The following ITFG1 variants were observed in gnomAD, a reference collection of about 807,000 sequenced individuals.
The protein encoded by ITFG1 is integrin alpha FG-GAP repeat containing 1, also known as T-cell immunomodulatory protein.
A neutral mutation model predicts 81.8 loss-of-function variants in ITFG1; 34 were observed. The observed-to-expected ratio is 0.42, with a 90% confidence interval of 0.32 to 0.55. The LOEUF is 0.55. ITFG1 is among the 20% of genes least tolerant of loss of function. ITFG1 has a pLI of 0.17. For missense variants in ITFG1, 672 were observed against 755.4 expected (o/e 0.89, Z 1.29); for synonymous variants, 285 against 270.6 (o/e 1.05, Z -0.52).
chr16:47,351,173 C>T (rs1270508584), intron 8 of ITFG1, among the ~76,000 whole-genome samples: 1 of 152,152 alleles, frequency 6.6e-6, no homozygotes, highest in African/African-American at 2.4e-5. Flanking sequence ...CCCTCTCTCA[C>T]CACTAATATT....
At chr16:47,425,646 G>A (rs577667470) in intron 6 of ITFG1, 1 of 149,724 alleles carries the variant, frequency 6.7e-6, no homozygotes, top group East Asian at 2.0e-4. Context: ...AGGCTGAAGT[G>A]CAGTGGCATG....
At chr16:47,460,719 C>A (rs1969523112) in intron 1 of ITFG1, 119 bp downstream of exon 1, 2 of 1,111,262 alleles carry the variant, frequency 1.8e-6, no homozygotes, top group African/African-American at 3.1e-5. Context: ...GGGAAGGCCA[C>A]AGGGCTGGGA....
intron 6 of ITFG1, among the ~76,000 whole-genome samples, chr16:47,386,179 A>G (rs912000405): frequency 2.0e-5 from 3 of 152,216 alleles, no homozygotes; most frequent in African/African-American, 7.2e-5. Context: ...GGGGGAAATT[A>G]TTAAAAAAAA....
At chr16:47,159,849 T>C (rs879736101) in intron 16 of ITFG1, among the ~76,000 whole-genome samples, 2 of 152,154 alleles carry the variant, frequency 1.3e-5, no homozygotes, top group Non-Finnish European at 2.9e-5. Flanking sequence ...TTAAAATTTA[T>C]TGATCCATAA....
At chr16:47,232,103 A>G (rs190165654) in intron 13 of ITFG1, among the ~76,000 whole-genome samples, 2 of 152,332 alleles carry the variant, frequency 1.3e-5, no homozygotes, top group African/African-American at 4.8e-5. Context: ...CAAAGCCTCC[A>G]AAAAGGAAGG....
chr16:47,385,104 T>A (rs1968444451), intron 6 of ITFG1, among the ~76,000 whole-genome samples: 2 of 152,252 alleles, frequency 1.3e-5, no homozygotes, highest in African/African-American at 4.8e-5. Flanking sequence ...ACTGTGCAAT[T>A]CGTTTTAAGA....
At chr16:47,182,401 A>G (rs2151514191) in intron 14 of ITFG1, among the ~76,000 whole-genome samples, 1 of 151,150 alleles carries the variant, frequency 6.6e-6, no homozygotes, top group African/African-American at 2.4e-5. Context: ...AAAAAAAAAG[A>G]AAATATGGTA....
intron 9 of ITFG1, chr16:47,312,843 T>C (rs1967288081): frequency 6.6e-6 from 1 of 152,224 alleles, no homozygotes; most frequent in African/African-American, 2.4e-5. Flanking sequence ...CAGAGAGAGA[T>C]GACTGTATAA....
At chr16:47,419,300 A>T (rs1209207543) in intron 6 of ITFG1, among the ~76,000 whole-genome samples, 1 of 151,692 alleles carries the variant, frequency 6.6e-6, no homozygotes, top group Non-Finnish European at 1.5e-5. Flanking sequence ...ACAGGGTCTC[A>T]CTCTGTCACT....
chr16:47,442,628 C>T (rs529860689), intron 5 of ITFG1, among the ~76,000 whole-genome samples: 13 of 152,076 alleles, frequency 8.5e-5, no homozygotes, highest in Non-Finnish European at 1.6e-4. Context: ...TTTGACAAAC[C>T]TGACAAAAAC....
intron 8 of ITFG1, among the ~76,000 whole-genome samples, chr16:47,341,417 G>GA (rs914125511): frequency 5.4e-4 from 58 of 108,372 alleles, no homozygotes; most frequent in South Asian, 2.4e-3. Flanking sequence ...AAAAAAAAAA[G>GA]AAAAAAAAAA....
At chr16:47,241,244 T>C (rs1012351838) in intron 12 of ITFG1, among the ~76,000 whole-genome samples, 1 of 152,208 alleles carries the variant, frequency 6.6e-6, no homozygotes, top group African/African-American at 2.4e-5. Context: ...TGGCAATTCC[T>C]TAAAAGGCTG....
chr16:47,454,179 C>G, intron 2 of ITFG1, 21 bp from the exon 3 acceptor site: 1 of 1,574,848 alleles, frequency 6.3e-7, no homozygotes. Flanking sequence ...CAAGCATTTA[C>G]AAATATCAGA....
chr16:47,306,044 G>A (rs1255267885), intron 10 of ITFG1, among the ~76,000 whole-genome samples: 1 of 152,156 alleles, frequency 6.6e-6, no homozygotes, highest in Non-Finnish European at 1.5e-5. Context: ...GGTCGGGAGA[G>A]AGAGAACTAG....
intron 5 of ITFG1, among the ~76,000 whole-genome samples, chr16:47,440,278 G>A (rs1024891784): frequency 1.3e-5 from 2 of 152,204 alleles, no homozygotes; most frequent in South Asian, 2.1e-4. Flanking sequence ...ACAGATCAAC[G>A]AAACAGAAAG....
chr16:47,315,830 G>A (rs1232905909), intron 8 of ITFG1, among the ~76,000 whole-genome samples: 4 of 146,442 alleles, frequency 2.7e-5, no homozygotes, highest in East Asian at 1.9e-4. Flanking sequence ...TTGCTCTGCC[G>A]CTCAGGCTGG....
At chr16:47,346,701 A>C (rs1187286662) in intron 8 of ITFG1, among the ~76,000 whole-genome samples, 5 of 152,230 alleles carry the variant, frequency 3.3e-5, no homozygotes, top group African/African-American at 1.2e-4. Context: ...ACAACCTACC[A>C]AGATTGAATC....
chr16:47,398,688 T>C (rs1429479920), intron 6 of ITFG1, among the ~76,000 whole-genome samples: 3 of 152,248 alleles, frequency 2.0e-5, no homozygotes. Flanking sequence ...ATCAGATCTT[T>C]TCTGTCAGGT....
At chr16:47,174,054 AC>A (rs1431564355) in intron 14 of ITFG1, among the ~76,000 whole-genome samples, 1 of 152,094 alleles carries the variant, frequency 6.6e-6, no homozygotes, top group African/African-American at 2.4e-5. Flanking sequence ...ACAAAACAAA[AC>A]AAAAAACAAA....
Sources: gnomAD v4.1 joint callset for allele counts (sites outside exome capture counted in the v4.1 genomes callset) on GRCh38, gnomAD v4.1.1 for gene constraint, MANE v1.5 for transcripts, NCBI Gene and HGNC (gene_info 2026-07-23, HGNC 2026-07-21) for gene names.